RNASE11: variants seen among roughly 807,000 people sequenced by gnomAD.
RNASE11 encodes putative inactive ribonuclease 11.
For missense variants in RNASE11, 252 were observed against 237.8 expected (o/e 1.06, Z -0.39); for synonymous variants, 105 against 86.1 (o/e 1.22, Z -1.21).
At chr14:20,583,959 A>G (rs765502637) in exon 2 of RNASE11, 40 of 1,614,004 alleles carry the variant, frequency 2.5e-5, no homozygotes, top group Non-Finnish European at 1.3e-5. Flanking sequence ...AGGTAACACT[A>G]TGGTATTGGC....
At position 20,584,502 on chromosome 14, in the gene RNASE11, G is replaced by A. The variant is rs150448873; in HGVS notation, c.-22-6C>T. 389 of 1,532,848 alleles carry A rather than the reference G, an allele frequency of 2.5e-4. 3 individuals are homozygous for A. The African/African-American group carries it at 4.8e-3, about 19-fold the overall frequency. 95.0% of individuals were successfully genotyped at this position (1,532,848 alleles called of 1,614,324 possible). A position where few individuals can be genotyped will look rare whatever the true frequency, so the allele number is the denominator to read the frequency against. On this transcript the variant is annotated splice_region_variant and splice_polypyrimidine_tract_variant and intron_variant, in intron 1 of 1. Coordinates refer to ENST00000553849, the Ensembl canonical transcript of RNASE11. The stretch of plus-strand genomic sequence containing the variant: ...CAGATGTAGTGTAATCTCTTCTGCA[G>A]TAAAGACAATAAATGAAAGATAAAA...
chr14:20,590,225 G>T, upstream of RNASE11: 1 of 1,589,486 alleles, frequency 6.3e-7, no homozygotes, highest in Non-Finnish European at 8.6e-7. Flanking sequence ...CTCAGGCACA[G>T]CCAGCTCCAA....
upstream of RNASE11, chr14:20,588,466 A>C (rs1361984123): frequency 3.3e-5 from 5 of 152,202 alleles, no homozygotes; most frequent in Admixed American, 6.5e-5. Flanking sequence ...TGAGCTCTGA[A>C]AGTCTCAATC....
exon 2 of RNASE11, chr14:20,584,239 C>T (rs576998062): frequency 3.1e-6 from 5 of 1,614,210 alleles, no homozygotes; most frequent in Middle Eastern, 1.6e-4. Flanking sequence ...ATGTAAACTT[C>T]TGAATGTCAG....
At chr14:20,587,212 TAC>T (rs1230556000) in intron 1 of RNASE11, among the ~76,000 whole-genome samples, 2 of 152,154 alleles carry the variant, frequency 1.3e-5, no homozygotes, top group East Asian at 1.9e-4. Context: ...TAGATATAGA[TAC>T]ACACACACCC....
chr14:20,590,201 C>G, upstream of RNASE11: 3 of 1,545,258 alleles, frequency 1.9e-6, no homozygotes, highest in Middle Eastern at 2.3e-4. Context: ...CCCATGTCCA[C>G]GGTCCAGGTC....
At chr14:20,586,686 T>C (rs551110738) in intron 1 of RNASE11, among the ~76,000 whole-genome samples, 1 of 152,308 alleles carries the variant, frequency 6.6e-6, no homozygotes, top group African/African-American at 2.4e-5. Context: ...CCTATACCAT[T>C]GACATCAGTA....
chr14:20,588,643 C>A (rs1884487582), upstream of RNASE11, among the ~76,000 whole-genome samples: 1 of 152,122 alleles, frequency 6.6e-6, no homozygotes, highest in South Asian at 2.1e-4. Flanking sequence ...TAAGAGGTGA[C>A]CTCTGTTGCT....
chr14:20,589,364 T>C (rs532126783), upstream of RNASE11, among the ~76,000 whole-genome samples: 41 of 149,934 alleles, frequency 2.7e-4, no homozygotes, highest in Admixed American at 9.3e-4. Context: ...CGCCATTCTC[T>C]TGCCTCAGCC....
exon 2 of RNASE11, chr14:20,584,467 G>T (rs1884390126): frequency 1.9e-6 from 3 of 1,590,600 alleles, no homozygotes; most frequent in African/African-American, 1.4e-5. Context: ...CAGAGGAAAG[G>T]TCTCCATCTC....
chr14:20,584,777 A>T (rs1047267383), intron 1 of RNASE11, among the ~76,000 whole-genome samples: 4 of 152,210 alleles, frequency 2.6e-5, no homozygotes, highest in Admixed American at 2.0e-4. Context: ...ATGTTTAAAG[A>T]TCTACAACCA....
chr14:20,584,072 G>A (rs754944369), exon 2 of RNASE11: 6 of 1,614,128 alleles, frequency 3.7e-6, no homozygotes, highest in South Asian at 2.2e-5. Context: ...TTGCAGCTGG[G>A]GGCCCTGTGG....
chr14:20,583,867 T>A (rs777118858), exon 2 of RNASE11: 1 of 1,598,722 alleles, frequency 6.3e-7, no homozygotes, highest in Non-Finnish European at 8.5e-7. Context: ...CCTAAAGCTC[T>A]GTGGGATTTA....
upstream of RNASE11, among the ~76,000 whole-genome samples, chr14:20,588,931 C>T (rs961927808): frequency 2.6e-5 from 4 of 151,952 alleles, no homozygotes; most frequent in East Asian, 5.8e-4. Context: ...GGATTACAGG[C>T]GTGCACCACC....
intron 1 of RNASE11, among the ~76,000 whole-genome samples, chr14:20,585,889 C>A (rs1475004651): frequency 3.3e-5 from 5 of 152,138 alleles, no homozygotes; most frequent in Admixed American, 1.3e-4. Context: ...ATAATTATTT[C>A]TCTCTCTTTA....
chr14:20,585,303 C>A (rs757223205), intron 1 of RNASE11, among the ~76,000 whole-genome samples: 23 of 152,156 alleles, frequency 1.5e-4, no homozygotes, highest in Admixed American at 5.9e-4. Flanking sequence ...TATTTTCTGT[C>A]TATTTATACC....
At chr14:20,589,484 G>A (rs7148666), upstream of RNASE11, among the ~76,000 whole-genome samples, 3 of 150,864 alleles carry the variant, frequency 2.0e-5, no homozygotes, top group South Asian at 2.1e-4. Flanking sequence ...CGATCTCCTG[G>A]CCTCGTGATC....
chr14:20,589,269 T>A (rs1271011338), upstream of RNASE11, among the ~76,000 whole-genome samples: 1 of 151,730 alleles, frequency 6.6e-6, no homozygotes, highest in Non-Finnish European at 1.5e-5. Context: ...TTTTTTTTTT[T>A]TTTGAGACGG....
chr14:20,584,536 T>C lies in RNASE11; in HGVS notation c.-22-40A>G, dbSNP rs781507751. 7 of 1,484,022 alleles carry C rather than the reference T, an allele frequency of 4.7e-6. No homozygotes were observed. The South Asian group carries it at 8.4e-5, about 18-fold the overall frequency. The allele number at this position is 1,484,022 out of a possible 1,614,324, so 91.9% of individuals were successfully genotyped here. On this transcript the variant is annotated intron_variant, in intron 1 of 1. Coordinates refer to ENST00000553849, the Ensembl canonical transcript of RNASE11. ...ATAAATGAAAGATAAAATAAGAAGA[T>C]TAAAGAGGTAGTTCTTTCTTCCTCC...
Sources: gnomAD v4.1 joint callset for allele counts (sites outside exome capture counted in the v4.1 genomes callset) on GRCh38, gnomAD v4.1.1 for gene constraint, MANE v1.5 for transcripts, NCBI Gene and HGNC (gene_info 2026-07-23, HGNC 2026-07-21) for gene names.